COL5A3: variants seen among roughly 807,000 people sequenced by gnomAD.
The protein encoded by COL5A3 is collagen alpha-3(V) chain.
COL5A3 carries 172 observed loss-of-function variants against 250.0 expected under a neutral mutation model. The ratio of observed to expected loss-of-function variants is 0.69; its 90% CI spans 0.61 to 0.78. The LOEUF is 0.78. COL5A3 is among the 30% of genes least tolerant of loss of function. COL5A3 has a pLI of 0.00. For synonymous variants in COL5A3, 937 were observed against 900.4 expected (o/e 1.04, Z -0.73); for missense variants, 2,340 against 2,334.4 (o/e 1.00, Z -0.05).
Position 9,995,588 on chromosome 19 carries a change from T to C in COL5A3, c.1563A>G (p.Gly521=). Residue 521 remains glycine, a synonymous_variant, in exon 16 of 67, where the codon GGA becomes GGG. Transcript: ENST00000264828. ...CCATCTTGCCCACTCGGCCAGGGGGTCCATGAGGTCCCTGCAGGCCTCGGG... is the reference window on the plus strand; with the variant it reads ...CCATCTTGCCCACTCGGCCAGGGGGCCCATGAGGTCCCTGCAGGCCTCGGG... ...QGPRGLQGPH[G]PPGRVGKMGR... The C allele has an allele frequency of 1.9e-6, 3 of 1,604,062 alleles. No individual in the cohort carries two copies. Among genetic ancestry groups the C allele is most frequent in the Non-Finnish European group, 2.6e-6 (3 of 1,174,474 alleles).
intron 31 of COL5A3, among the ~76,000 whole-genome samples, chr19:9,982,319 T>G (rs966673621): frequency 6.6e-6 from 1 of 152,054 alleles, no homozygotes; most frequent in African/African-American, 2.4e-5. Flanking sequence ...ACTGCAGCCC[T>G]TTGCACTGGC....
At chr19:9,990,686 C>T (rs570090064) in intron 24 of COL5A3, among the ~76,000 whole-genome samples, 1 of 152,042 alleles carries the variant, frequency 6.6e-6, no homozygotes, top group South Asian at 2.1e-4. Flanking sequence ...ACTCAGCCTC[C>T]CGAGTAGCTG....
At chr19:9,976,762 C>T (rs1325992626) in intron 44 of COL5A3, 151 bp from the exon 45 acceptor site, 7 of 655,266 alleles carry the variant, frequency 1.1e-5, no homozygotes, top group Non-Finnish European at 1.6e-5. Context: ...ATCCTGTCTT[C>T]TCAGCCACCA....
At chr19:9,991,880 T>C (rs1464275230) in intron 22 of COL5A3, 39 bp from the exon 23 acceptor site, 1 of 1,597,952 alleles carries the variant, frequency 6.3e-7, no homozygotes, top group Non-Finnish European at 8.6e-7. Flanking sequence ...CTAAGAGGGG[T>C]CATGGTGTTG....
At position 9,998,165 on chromosome 19, in the gene COL5A3, G is replaced by A. The variant is rs755553087; in HGVS notation, c.1111-16C>T. 2.5e-6 allele frequency: 4 copies of A among 1,604,956 alleles called. No individual in the cohort carries two copies. The highest frequency in any genetic ancestry group is 1.7e-4 in the Middle Eastern group (1 of 6,000). On this transcript the variant is annotated splice_polypyrimidine_tract_variant and intron_variant, in intron 8 of 66. Transcript: ENST00000264828. ...CTCCAGCACCCTGGGGTGGGGTCAG[G>A]GGAGATGGAGAGAAAAGAGATGTGA... is the stretch of plus-strand genomic sequence containing the variant.
chr19:9,970,083 T>C (rs1599532491), intron 54 of COL5A3, among the ~76,000 whole-genome samples, 161 bp from the exon 55 acceptor site: 1 of 15,764 alleles, frequency 6.3e-5, no homozygotes, highest in Non-Finnish European at 1.2e-4. Flanking sequence ...TGTGGGTGAG[T>C]GGGGGCTGTG....
At chr19:9,992,729 A>G (rs2087211887) in intron 21 of COL5A3, 98 bp downstream of exon 21, 1 of 1,224,212 alleles carries the variant, frequency 8.2e-7, no homozygotes, top group African/African-American at 1.5e-5. Context: ...GAGAGCTGAG[A>G]TCTCGCCACC....
chr19:9,991,330 C>A (rs955194582), intron 24 of COL5A3, among the ~76,000 whole-genome samples: 1 of 152,228 alleles, frequency 6.6e-6, no homozygotes, highest in Non-Finnish European at 1.5e-5. Context: ...ATGAGACCCA[C>A]AGGGCCTGTG....
In COL5A3 at chr19:10,001,767, C is replaced by T. The variant is rs61748188; in HGVS notation, c.963+1G>A. ...TCTCCCCTCTTCCATCCCCATCCAA[C>T]CTCTAGGATCGTGGCATTGAGTCCA... is the stretch of plus-strand genomic sequence containing the variant. On this transcript the variant is annotated splice_donor_variant, in intron 7 of 66. Transcript: ENST00000264828. LOFTEE classifies it high-confidence loss of function. 1.9e-6 allele frequency: 3 copies of T among 1,613,934 alleles called. No individual in the cohort carries two copies. The highest frequency in any genetic ancestry group is 1.1e-5 in the South Asian group (1 of 91,062).
At chr19:9,986,285 T>C (rs1399630013) in intron 30 of COL5A3, 30 bp downstream of exon 30, 1 of 1,401,556 alleles carries the variant, frequency 7.1e-7, no homozygotes, top group South Asian at 1.3e-5. Flanking sequence ...ACCTTGACTG[T>C]GGGAGGCTAG....
At chr19:9,973,165 C>G (rs1444630730) in intron 50 of COL5A3, 139 bp from the exon 51 acceptor site, 6 of 705,194 alleles carry the variant, frequency 8.5e-6, no homozygotes, top group Non-Finnish European at 1.4e-5. Flanking sequence ...GTCCAAGGGT[C>G]AAAGGTCAGA....
In COL5A3 at chr19:9,996,055, A is replaced by C; in HGVS notation, c.1533+11T>G. ...TCCCATCCTATCCTGCCCTATCTCC[A>C]CAAGTCTCACCTGTGGCCCTTCTGC... On this transcript the variant is annotated intron_variant, in intron 15 of 66. Transcript: ENST00000264828. 1.9e-6 allele frequency: 3 copies of C among 1,562,262 alleles called. No homozygotes were observed. Among genetic ancestry groups the C allele is most frequent in the Non-Finnish European group, 2.6e-6 (3 of 1,155,412 alleles).
At chr19:9,995,720 C>A in intron 15 of COL5A3, 103 bp from the exon 16 acceptor site, 1 of 849,766 alleles carries the variant, frequency 1.2e-6, no homozygotes, top group Non-Finnish European at 1.8e-6. Flanking sequence ...CTGTATTGCC[C>A]AGGCCAGACA....
At chr19:9,996,374 A>G in intron 13 of COL5A3, 59 bp downstream of exon 13, 1 of 1,587,530 alleles carries the variant, frequency 6.3e-7, no homozygotes, top group Non-Finnish European at 8.6e-7. Flanking sequence ...GCCCCTCCTT[A>G]CGCCGAGGCT....
At chr19:9,986,481 C>T (rs2087101956) in intron 29 of COL5A3, 59 bp from the exon 30 acceptor site, 3 of 1,601,488 alleles carry the variant, frequency 1.9e-6, no homozygotes, top group Middle Eastern at 1.7e-4. Flanking sequence ...TCTGTCTAGC[C>T]CCAGCTCATC....
chr19:9,969,741 C>T (rs1417026258), intron 55 of COL5A3, 59 bp from the exon 56 acceptor site: 1 of 1,578,498 alleles, frequency 6.3e-7, no homozygotes, highest in South Asian at 1.1e-5. Context: ...CTCCTGACCC[C>T]TGCCAAGAAG....
At position 9,967,789 on chromosome 19, in the gene COL5A3, A is replaced by T. The variant is rs1403518373; in HGVS notation, c.4404+115T>A. On this transcript the variant is annotated intron_variant, in intron 61 of 66. Transcript: ENST00000264828. ...TAGGTGTTGAATAAATATTTGTCGAACGCACGATTGCATGAATAAATAAAT... is the reference window on the plus strand; with the variant it reads ...TAGGTGTTGAATAAATATTTGTCGATCGCACGATTGCATGAATAAATAAAT... 19 of 1,065,288 alleles carry T rather than the reference A, an allele frequency of 1.8e-5. No individual in the cohort carries two copies. The South Asian group carries it at 2.7e-4, about 15-fold the overall frequency. The allele number at this position is 1,065,288 out of a possible 1,614,324, so 66.0% of individuals were successfully genotyped here.
intron 5 of COL5A3, 102 bp downstream of exon 5, chr19:10,003,939 C>T: frequency 2.7e-6 from 3 of 1,108,232 alleles, no homozygotes; most frequent in South Asian, 1.3e-5. Context: ...GGTCACTTAA[C>T]CCCATGTCTG....
chr19:9,986,828 G>A (rs2087108060), intron 27 of COL5A3, 70 bp from the exon 28 acceptor site: 1 of 1,551,874 alleles, frequency 6.4e-7, no homozygotes, highest in African/African-American at 1.4e-5. Flanking sequence ...TCAGTCCCCT[G>A]CTCTAAAGCA....
Sources: gnomAD v4.1 joint callset for allele counts (sites outside exome capture counted in the v4.1 genomes callset) on GRCh38, gnomAD v4.1.1 for gene constraint, MANE v1.5 for transcripts, NCBI Gene and HGNC (gene_info 2026-07-23, HGNC 2026-07-21) for gene names.